GNB1L: variants seen among roughly 807,000 people sequenced by gnomAD.
GNB1L encodes G protein subunit beta 1 like.
Under a neutral mutation model 29.1 loss-of-function variants are expected in GNB1L, and 20 were observed. The observed-to-expected ratio is 0.69, with a 90% CI of 0.48 to 1.00. GNB1L has a LOEUF of 1.00. Among genes scored for constraint, GNB1L ranks in the 50% least tolerant of loss-of-function variants. The pLI is 0.00. For missense variants in GNB1L, 421 were observed against 464.9 expected, an observed-to-expected ratio of 0.91 and a Z score of 0.87; for synonymous variants, 193 against 206.5, an observed-to-expected ratio of 0.93 and a Z score of 0.56.
chr22:19,818,830 G>A (rs1937555699), intron 4 of GNB1L, among the ~76,000 whole-genome samples: 2 of 152,172 alleles, frequency 1.3e-5, no homozygotes, highest in South Asian at 2.1e-4. Flanking sequence ...CCACACAGGG[G>A]CAGATGTCAC....
At chr22:19,817,083 T>G (rs1169496345) in intron 4 of GNB1L, among the ~76,000 whole-genome samples, 1 of 152,192 alleles carries the variant, frequency 6.6e-6, no homozygotes, top group East Asian at 1.9e-4. Flanking sequence ...GAGAGAGGTC[T>G]CTCGGACCTC....
At chr22:19,809,005 A>T (rs1352860821) in intron 5 of GNB1L, among the ~76,000 whole-genome samples, 1 of 151,934 alleles carries the variant, frequency 6.6e-6, no homozygotes, top group Admixed American at 6.6e-5. Context: ...AGGGGCAGGG[A>T]AGTGCTAGGA....
chr22:19,824,844 T>C (rs1026335753), intron 2 of GNB1L, among the ~76,000 whole-genome samples: 10 of 152,206 alleles, frequency 6.6e-5, no homozygotes, highest in Non-Finnish European at 1.3e-4. Context: ...CGGCAGTGGC[T>C]GGAGCCCAAA....
intron 4 of GNB1L, among the ~76,000 whole-genome samples, chr22:19,817,272 A>G (rs934619112): frequency 3.3e-5 from 5 of 152,202 alleles, no homozygotes; most frequent in African/African-American, 7.2e-5. Context: ...GCAGATTATG[A>G]AGTCAGGAGA....
rs1441857462 is a variant in GNB1L, at chr22:19,816,329, C to G, written c.255-3882G>C. Among the ~76,000 whole-genome samples the G allele has an allele frequency of 6.6e-6, 1 of 152,220 alleles. No individual in the cohort carries two copies. Among genetic ancestry groups the G allele is most frequent in the African/African-American group, 2.4e-5 (1 of 41,462 alleles). On this transcript the variant is annotated intron_variant, in intron 4 of 7. Transcript: ENST00000329517. This position sits in a 1 kb window ranked among gnomAD's most constrained non-coding sequence, Gnocchi z 4.4. Reference sequence around the variant, plus strand: ...GGACCCATAGTTTTCAAAGGCTCATCATCCCTAATTCTGATCATTTATTTT... The same window carrying G: ...GGACCCATAGTTTTCAAAGGCTCATGATCCCTAATTCTGATCATTTATTTT...
rs1004284514 is a variant in GNB1L at position 19,798,068 on chromosome 22, C to T, written c.732+3933G>A. On this transcript the variant is annotated intron_variant, in intron 7 of 7. Coordinates refer to ENST00000329517, the MANE Select transcript of GNB1L (RefSeq NM_053004.3). Reference sequence around the variant, plus strand: ...GGCTGGCCTCAGTGTCCAGAGCACCCGGCCTTGGCGCTGCCTCCCCTCCCT... The same window carrying T: ...GGCTGGCCTCAGTGTCCAGAGCACCTGGCCTTGGCGCTGCCTCCCCTCCCT... Among the ~76,000 whole-genome samples the T allele has an allele frequency of 4.6e-5, 7 of 152,298 alleles. No individual in the cohort carries two copies. The South Asian group carries it at 8.3e-4, about 18-fold the overall frequency.
chr22:19,800,246 G>A (rs1000225264), intron 7 of GNB1L, among the ~76,000 whole-genome samples: 1 of 152,234 alleles, frequency 6.6e-6, no homozygotes. Context: ...AAACACACCA[G>A]GAGAGACGAG....
At chr22:19,798,175 C>T (rs1273305108) in intron 7 of GNB1L, among the ~76,000 whole-genome samples, 1 of 152,118 alleles carries the variant, frequency 6.6e-6, no homozygotes, top group East Asian at 1.9e-4. Flanking sequence ...TGCGCGGGGC[C>T]GTCAAGTCCA....
chr22:19,810,542 T>A (rs1937487300), intron 5 of GNB1L, among the ~76,000 whole-genome samples: 1 of 152,170 alleles, frequency 6.6e-6, no homozygotes, highest in African/African-American at 2.4e-5. Context: ...ACACCACGTC[T>A]ACCTGGGCTG....
rs1303042587 is a variant in GNB1L at position 19,813,513 on chromosome 22, C to T, written c.255-1066G>A. Among the ~76,000 whole-genome samples, 5 of 152,046 alleles carry T rather than the reference C, an allele frequency of 3.3e-5. No individual in the cohort carries two copies. The East Asian group carries it at 9.7e-4, about 30-fold the overall frequency. ...CCAGCCTGGCCAACATGGTGAAACC[C>T]CGTCTCTACTAAAAACACAAAAAAA... On this transcript the variant is annotated intron_variant, in intron 4 of 7. Transcript: ENST00000329517.
At chr22:19,828,693 A>G (rs1937640682) in intron 2 of GNB1L, among the ~76,000 whole-genome samples, 1 of 151,048 alleles carries the variant, frequency 6.6e-6, no homozygotes, top group Non-Finnish European at 1.5e-5. Flanking sequence ...TATATAATAT[A>G]TAATTAATCT....
At chr22:19,791,130 G>A (rs1937249038) in intron 7 of GNB1L, among the ~76,000 whole-genome samples, 1 of 152,186 alleles carries the variant, frequency 6.6e-6, no homozygotes, top group African/African-American at 2.4e-5. Flanking sequence ...CTTACTGGGA[G>A]GCTGAGGTGG....
intron 5 of GNB1L, among the ~76,000 whole-genome samples, chr22:19,808,807 C>T (rs1008531391): frequency 2.6e-5 from 4 of 152,212 alleles, no homozygotes; most frequent in African/African-American, 9.7e-5. Flanking sequence ...GAGTTATAGC[C>T]CATGTGCCAC....
chr22:19,788,571 G>A lies in GNB1L; in HGVS notation c.*138C>T, dbSNP rs1369855622. ...CCACAAAAGGAAATACCAACCTCATGAAGACAGCGGGGACTCCATGGTCCT... is the reference window on the plus strand; with the variant it reads ...CCACAAAAGGAAATACCAACCTCATAAAGACAGCGGGGACTCCATGGTCCT... On this transcript the variant is annotated 3_prime_UTR_variant, in exon 8 of 8. Transcript: ENST00000329517. The A allele has an allele frequency of 9.1e-7, 1 of 1,098,920 alleles. No homozygotes were observed. The highest frequency in any genetic ancestry group is 2.3e-5 in the East Asian group (1 of 42,572). The allele number at this position is 1,098,920 out of a possible 1,614,324, so 68.1% of individuals were successfully genotyped here. A position where few individuals can be genotyped will look rare whatever the true frequency, so the allele number is the denominator to read the frequency against.
chr22:19,797,023 T>C (rs1937314021), intron 7 of GNB1L, among the ~76,000 whole-genome samples: 1 of 152,226 alleles, frequency 6.6e-6, no homozygotes, highest in South Asian at 2.1e-4. Flanking sequence ...AGGATTTGTA[T>C]GCCCACAGAC....
chr22:19,825,133 G>A (rs757145264), intron 2 of GNB1L, among the ~76,000 whole-genome samples: 11 of 152,202 alleles, frequency 7.2e-5, no homozygotes, highest in Non-Finnish European at 1.0e-4. Flanking sequence ...CGCACAGGCC[G>A]CTGGGAGTGC....
At chr22:19,810,705 G>C (rs769193393) in intron 5 of GNB1L, among the ~76,000 whole-genome samples, 1 of 152,228 alleles carries the variant, frequency 6.6e-6, no homozygotes, top group Non-Finnish European at 1.5e-5. Context: ...CCGGCCGAGT[G>C]GGGTGGGAGT....
At chr22:19,844,844 T>C (rs1937926845) in intron 2 of GNB1L, among the ~76,000 whole-genome samples, 1 of 152,218 alleles carries the variant, frequency 6.6e-6, no homozygotes, top group Admixed American at 6.5e-5. Flanking sequence ...AGCTCACTGC[T>C]TTACAGGAAG....
intron 2 of GNB1L, chr22:19,851,324 C>T (rs1201630461): frequency 6.2e-7 from 1 of 1,614,144 alleles, no homozygotes. Context: ...TGGGTCTGGT[C>T]TCTGGGCAGG....
Sources: allele counts gnomAD v4.1 joint callset (sites outside exome capture counted in the v4.1 genomes callset), GRCh38; gene constraint gnomAD v4.1.1; non-coding constraint Gnocchi (gnomAD v3.1); transcripts MANE v1.5; gene names NCBI Gene and HGNC (gene_info 2026-07-23, HGNC 2026-07-21).